Variants in MCFD2 observed in about 807,000 individuals in gnomAD.
MCFD2 encodes the protein multiple coagulation factor deficiency protein 2.
Under a neutral mutation model 12.8 loss-of-function variants are expected in MCFD2, and 11 were observed. The observed-to-expected ratio is 0.86, with a 90% CI of 0.54 to 1.42. MCFD2 has a LOEUF of 1.42. Ranked by LOEUF, MCFD2 falls within the 40% of genes most tolerant of loss-of-function variation. The pLI is 0.00. For missense variants in MCFD2, 191 were observed against 178.6 expected (o/e 1.07, Z -0.40); for synonymous variants, 70 against 68.1 (o/e 1.03, Z -0.14).
rs1017896932 is a variant in MCFD2, at chr2:46,904,736, T to C, written c.*727A>G. 2.0e-5 allele frequency: 3 copies of C among 153,040 alleles called. No homozygotes were observed. Among genetic ancestry groups the C allele is most frequent in the African/African-American group, 7.2e-5 (3 of 41,458 alleles). The allele number at this position is 153,040 out of a possible 1,614,324, so 9.5% of individuals were successfully genotyped here. ...GCTCATAGGTGGAAGGGACTTGCCT[T>C]GTCTCAGATGAGACTTTGGACTGTG... On this transcript the variant is annotated 3_prime_UTR_variant, in exon 4 of 4. Transcript: ENST00000319466.
At chr2:46,925,313 T>C (rs935974830) in intron 1 of MCFD2, among the ~76,000 whole-genome samples, 10 of 152,148 alleles carry the variant, frequency 6.6e-5, no homozygotes, top group Non-Finnish European at 1.5e-4. Flanking sequence ...ATCCCAGCAC[T>C]TTGGGAGGCT....
At chr2:46,927,513 C>T (rs575279989) in intron 1 of MCFD2, among the ~76,000 whole-genome samples, 68 of 152,056 alleles carry the variant, frequency 4.5e-4, no homozygotes, top group African/African-American at 1.3e-3. Flanking sequence ...TCCGCCACCA[C>T]GCCCGGCTAA....
intron 1 of MCFD2, chr2:46,910,726 AATAGTCACTGGGATGTCTAACTTCCAGG>A (rs1432789948): frequency 6.6e-6 from 1 of 152,238 alleles, no homozygotes; most frequent in East Asian, 1.9e-4. Context: ...TAAAGGGGAC[AATAGTCACTGGGATGTCTAACTTCCAGG>A]ATAGGCCAGG....
intron 1 of MCFD2, 129 bp from the exon 2 acceptor site, chr2:46,909,306 G>C (rs993256852): frequency 2.5e-5 from 27 of 1,084,662 alleles, no homozygotes; most frequent in East Asian, 5.2e-5. Flanking sequence ...TGTCAAACAC[G>C]GCCCAATGCC....
chr2:46,910,323 A>T (rs1243997400), intron 1 of MCFD2, among the ~76,000 whole-genome samples: 1 of 152,168 alleles, frequency 6.6e-6, no homozygotes, highest in East Asian at 1.9e-4. Flanking sequence ...CTCAAAAAGG[A>T]AGGTGAAGGA....
rs1668369190 is a variant in MCFD2, at chr2:46,909,040, G to A, written c.132C>T (p.Asn44=). 1.2e-6 allele frequency: 2 copies of A among 1,614,228 alleles called. No homozygotes were observed. Among genetic ancestry groups the A allele is most frequent in the East Asian group, 2.2e-5 (1 of 44,882 alleles). Residue 44 remains asparagine, a synonymous_variant, in exon 2 of 4, where the codon AAC becomes AAT. Transcript: ENST00000319466. The stretch of plus-strand genomic sequence containing the variant: ...ATACGTACTCTTGGTCGTGCACTGT[G>A]TTCTTATCCAGGCCCATGCTGCCGG... The part of the protein sequence containing the change: ...SQPGSMGLDK[N]TVHDQEHIME...
chr2:46,909,322 T>G, intron 1 of MCFD2, 145 bp from the exon 2 acceptor site: 2 of 975,194 alleles, frequency 2.1e-6, no homozygotes, highest in Non-Finnish European at 3.1e-6. Flanking sequence ...ATGCCAGCTC[T>G]GCTTTGAGAC....
chr2:46,923,736 CTT>C (rs113000969), intron 1 of MCFD2, among the ~76,000 whole-genome samples: 2 of 145,774 alleles, frequency 1.4e-5, no homozygotes, highest in South Asian at 2.2e-4. Flanking sequence ...TATAGAAAAA[CTT>C]TTTTTTTTTT....
chr2:46,938,542 C>G lies in MCFD2; in HGVS notation c.-8+3030G>C, dbSNP rs79598417. Among the ~76,000 whole-genome samples the G allele has an allele frequency of 2.4e-3, 368 of 152,280 alleles. 2 individuals carry two copies. Among genetic ancestry groups the G allele is most frequent in the African/African-American group, 8.4e-3 (348 of 41,566 alleles). ...ATGGAGTTACCACATGACATGCTCT[C>G]CTGAGGATTTTTTTCCTTCTAGTCC... On this transcript the variant is annotated intron_variant, in intron 1 of 2. Coordinates refer to the MCFD2 transcript ENST00000409147.
At chr2:46,930,150 G>C (rs1313825310) in intron 1 of MCFD2, among the ~76,000 whole-genome samples, 1 of 152,000 alleles carries the variant, frequency 6.6e-6, no homozygotes, top group Non-Finnish European at 1.5e-5. Context: ...TAAGATAAAT[G>C]AAATAATAAA....
intron 1 of MCFD2, among the ~76,000 whole-genome samples, chr2:46,931,821 T>A (rs1315226016): frequency 6.6e-6 from 1 of 152,226 alleles, no homozygotes; most frequent in Admixed American, 6.5e-5. Context: ...TACTTTGGAC[T>A]TCTGACCTCA....
chr2:46,910,010 G>A (rs189770818), intron 1 of MCFD2, among the ~76,000 whole-genome samples: 1 of 152,204 alleles, frequency 6.6e-6, no homozygotes, highest in Non-Finnish European at 1.5e-5. Context: ...AGGCGGGTCA[G>A]ATCAAGGTCT....
intron 1 of MCFD2, among the ~76,000 whole-genome samples, chr2:46,938,297 A>T (rs149627251): frequency 2.6e-5 from 4 of 152,370 alleles, no homozygotes; most frequent in Admixed American, 2.6e-4. Flanking sequence ...TGATGGATAT[A>T]GGAACAAAAT....
chr2:46,931,759 G>A (rs1422746130), intron 1 of MCFD2, among the ~76,000 whole-genome samples: 1 of 152,030 alleles, frequency 6.6e-6, no homozygotes, highest in Non-Finnish European at 1.5e-5. Context: ...ATGAGTAGTA[G>A]ATTTGAGAAG....
At position 46,907,470 on chromosome 2, in the gene MCFD2, G is replaced by A. The variant is rs1012538979; in HGVS notation, c.309+340C>T. ...CATGATTATGGCTCACTATAGCCTC[G>A]ACATCCTGGACTCAAGCAATCCTCC... is the stretch of plus-strand genomic sequence containing the variant. On this transcript the variant is annotated intron_variant, in intron 3 of 3. Transcript: ENST00000319466. This position sits in a 1 kb window ranked among gnomAD's most constrained non-coding sequence, Gnocchi z 4.1. 3.4e-5 allele frequency: 12 copies of A among 350,464 alleles called. No individual in the cohort carries two copies. The highest frequency in any genetic ancestry group is 1.2e-4 in the South Asian group (5 of 41,290). 21.7% of individuals were successfully genotyped at this position (350,464 alleles called of 1,614,324 possible).
chr2:46,919,583 G>T (rs1354634949), upstream of MCFD2, among the ~76,000 whole-genome samples: 1 of 152,198 alleles, frequency 6.6e-6, no homozygotes, highest in African/African-American at 2.4e-5. Context: ...TACTATACAT[G>T]AAATTGATCA....
intron 1 of MCFD2, among the ~76,000 whole-genome samples, chr2:46,920,991 T>C (rs1669075226): frequency 6.6e-6 from 1 of 152,048 alleles, no homozygotes; most frequent in Admixed American, 6.5e-5. Flanking sequence ...AAAAAAACTT[T>C]CAGCAAACTG....
rs747111523 is a variant in MCFD2 at position 46,940,644 on chromosome 2, C to T, written c.-8+928G>A. ...AACAGAGATTCCACAGAGGACAGGTCAACGGGTTAGGGAAGTCAAGTTGGA... is the reference window on the plus strand; with the variant it reads ...AACAGAGATTCCACAGAGGACAGGTTAACGGGTTAGGGAAGTCAAGTTGGA... On this transcript the variant is annotated intron_variant, in intron 1 of 2. Coordinates refer to the MCFD2 transcript ENST00000409147. This position sits in a 1 kb window ranked among gnomAD's most constrained non-coding sequence, Gnocchi z 4.7. 8.5e-5 allele frequency among the ~76,000 whole-genome samples: 13 copies of T among 152,252 alleles called. No individual in the cohort carries two copies. Among genetic ancestry groups the T allele is most frequent in the Non-Finnish European group, 1.9e-4 (13 of 68,048 alleles).
chr2:46,914,728 C>G (rs983324337), intron 1 of MCFD2, among the ~76,000 whole-genome samples: 15 of 152,294 alleles, frequency 9.8e-5, no homozygotes, highest in African/African-American at 3.6e-4. Flanking sequence ...AAATCCCCAA[C>G]TGACACCTGA....
Sources: allele counts gnomAD v4.1 joint callset (sites outside exome capture counted in the v4.1 genomes callset), GRCh38; gene constraint gnomAD v4.1.1; non-coding constraint Gnocchi (gnomAD v3.1); transcripts MANE v1.5; gene names NCBI Gene and HGNC (gene_info 2026-07-23, HGNC 2026-07-21).